The following TRAK1 variants were observed in gnomAD, a reference collection of about 807,000 sequenced individuals.
TRAK1 encodes trafficking kinesin-binding protein 1.
A neutral mutation model predicts 92.1 loss-of-function variants in TRAK1; 33 were observed. The ratio of observed to expected loss-of-function variants is 0.36; its 90% CI spans 0.27 to 0.48. The LOEUF (loss-of-function observed/expected upper bound fraction) is 0.48. Ranked by LOEUF, TRAK1 falls within the 20% of genes least tolerant of loss-of-function variation. The pLI, the probability that TRAK1 is intolerant of heterozygous loss-of-function variation, is 0.99. For missense variants in TRAK1, 1,123 were observed against 1,257.9 expected (o/e 0.89, Z 1.62); for synonymous variants, 521 against 517.3 (o/e 1.01, Z -0.10).
At chr3:42,039,828 A>G (rs777031072) in intron 1 of TRAK1, among the ~76,000 whole-genome samples, 1 of 152,162 alleles carries the variant, frequency 6.6e-6, no homozygotes, top group Non-Finnish European at 1.5e-5. Flanking sequence ...GCACCATTTT[A>G]CATTTCCACC....
At chr3:42,154,375 G>A (rs930476132) in intron 2 of TRAK1, among the ~76,000 whole-genome samples, 1 of 152,160 alleles carries the variant, frequency 6.6e-6, no homozygotes, top group South Asian at 2.1e-4. Flanking sequence ...GTTTCACCAT[G>A]TTGGCCAGGC....
At chr3:42,028,142 C>A (rs138216250) in intron 1 of TRAK1, among the ~76,000 whole-genome samples, 1 of 152,236 alleles carries the variant, frequency 6.6e-6, no homozygotes, top group African/African-American at 2.4e-5. Flanking sequence ...TGAGCCACCA[C>A]CCCCGGCCAC....
intron 2 of TRAK1, among the ~76,000 whole-genome samples, chr3:42,129,809 C>T (rs1696953973): frequency 6.6e-6 from 1 of 151,894 alleles, no homozygotes; most frequent in Non-Finnish European, 1.5e-5. Context: ...TGAGTCAGAC[C>T]TAGTTTGTCT....
intron 13 of TRAK1, among the ~76,000 whole-genome samples, chr3:42,206,181 T>C (rs1330613322): frequency 3.9e-5 from 6 of 152,218 alleles, no homozygotes; most frequent in African/African-American, 1.4e-4. Flanking sequence ...AGCCAGGGGA[T>C]TGGTAGAATT....
chr3:42,067,311 T>C (rs907641194), intron 1 of TRAK1, among the ~76,000 whole-genome samples: 2 of 152,228 alleles, frequency 1.3e-5, no homozygotes, highest in African/African-American at 4.8e-5. Flanking sequence ...AAGGACTTTG[T>C]CAATTATGGT....
At position 42,193,223 on chromosome 3, in the gene TRAK1, A is replaced by T. The variant is rs1706079487; in HGVS notation, c.900+18A>T. On this transcript the variant is annotated intron_variant, in intron 8 of 15. Transcript: ENST00000327628. ...CAAAAGCTGTAAGGCTTCTCTGTTT[A>T]TCTGGCTGATACAACAATGGCCATG... The T allele has an allele frequency of 6.2e-7, 1 of 1,613,422 alleles. No homozygotes were observed. Among genetic ancestry groups the T allele is most frequent in the Non-Finnish European group, 8.5e-7 (1 of 1,179,620 alleles).
chr3:42,132,646 A>G (rs930891575), intron 2 of TRAK1, among the ~76,000 whole-genome samples: 5 of 151,934 alleles, frequency 3.3e-5, no homozygotes, highest in Admixed American at 6.6e-5. Context: ...GCCTGACTAT[A>G]TATCCTCCCC....
chr3:42,114,236 G>A lies in TRAK1; in HGVS notation c.92-11184G>A, dbSNP rs144781548. Among the ~76,000 whole-genome samples the A allele has an allele frequency of 2.1e-4, 32 of 152,294 alleles. No individual in the cohort carries two copies. In the East Asian group the frequency reaches 4.0e-3, roughly 19 times the overall value. ...TTTATCCATTCATCTGCTGATGGGT[G>A]TTAGGATTGTTTTTATCTGTGCTAC... On this transcript the variant is annotated intron_variant, in intron 1 of 15. Transcript: ENST00000327628.
rs1473804404 is a variant in TRAK1, at chr3:42,225,444, C to T, written c.*1707C>T. On this transcript the variant is annotated 3_prime_UTR_variant, in exon 16 of 16. Coordinates refer to ENST00000327628, the MANE Select transcript of TRAK1 (RefSeq NM_001042646.3). ...GTATTGGTTAATTATGTTCTCAGCT[C>T]TCCCTGCTGTTGTATGTGTGCATTC... The T allele has an allele frequency of 6.6e-6, 1 of 152,214 alleles. No homozygotes were observed. Among genetic ancestry groups the T allele is most frequent in the African/African-American group, 2.4e-5 (1 of 41,444 alleles). The allele number at this position is 152,214 out of a possible 1,614,324, so 9.4% of individuals were successfully genotyped here.
Position 42,066,951 on chromosome 3 carries a change from T to C in TRAK1, c.-518-20153T>C, listed in dbSNP as rs577288208. Among the ~76,000 whole-genome samples, 13 of 152,342 alleles carry C rather than the reference T, an allele frequency of 8.5e-5. 1 individual carries two copies. The South Asian group carries it at 2.5e-3, about 29-fold the overall frequency. ...CTCACTGTTTCCTGGGGGATTCTTA[T>C]ACAGAGGCTCTTGGCTTCTTCTCTC... On this transcript the variant is annotated intron_variant, in intron 1 of 16. Transcript: ENST00000487159.
chr3:42,142,195 C>T (rs1297364657), intron 2 of TRAK1, among the ~76,000 whole-genome samples: 1 of 152,028 alleles, frequency 6.6e-6, no homozygotes, highest in Non-Finnish European at 1.5e-5. Context: ...TTTTTTCCAC[C>T]TTCACAGCTT....
At chr3:42,047,794 G>A (rs1010548556) in intron 1 of TRAK1, among the ~76,000 whole-genome samples, 3 of 152,090 alleles carry the variant, frequency 2.0e-5, no homozygotes, top group African/African-American at 7.2e-5. Context: ...TTGGTAGCAG[G>A]GAACATCTTG....
At chr3:42,217,926 A>G in intron 14 of TRAK1, 1 of 985,212 alleles carries the variant, frequency 1.0e-6, no homozygotes, top group Non-Finnish European at 1.2e-6. Context: ...TGATTGAGAA[A>G]GATTCATAAA....
intron 6 of TRAK1, 71 bp from the exon 7 acceptor site, chr3:42,191,487 T>A: frequency 1.4e-6 from 2 of 1,426,642 alleles, no homozygotes; most frequent in Non-Finnish European, 9.5e-7. Context: ...CTTTGCTTTA[T>A]GCCTCAGCCC....
intron 10 of TRAK1, among the ~76,000 whole-genome samples, chr3:42,197,457 C>A (rs759377902): frequency 2.6e-5 from 4 of 151,440 alleles, no homozygotes; most frequent in Non-Finnish European, 4.4e-5. Flanking sequence ...GTTTTTTTTC[C>A]CCCCAAATTT....
At chr3:42,036,517 T>C (rs561619186) in intron 1 of TRAK1, among the ~76,000 whole-genome samples, 10 of 151,948 alleles carry the variant, frequency 6.6e-5, no homozygotes, top group Middle Eastern at 3.4e-3. Flanking sequence ...GCAGGCTTTC[T>C]CTGCAGCCTC....
intron 2 of TRAK1, among the ~76,000 whole-genome samples, chr3:42,129,875 A>G (rs1045819318): frequency 2.0e-5 from 3 of 152,158 alleles, no homozygotes; most frequent in African/African-American, 7.2e-5. Context: ...GGGACAAGAA[A>G]ACTTCTTGTT....
At chr3:42,089,462 C>G (rs1472173577), upstream of TRAK1, among the ~76,000 whole-genome samples, 1 of 152,172 alleles carries the variant, frequency 6.6e-6, no homozygotes, top group Non-Finnish European at 1.5e-5. Flanking sequence ...CTATAGAGAC[C>G]TGTAAGGAAG....
At chr3:42,092,706 GTGTTGTGTTATGTTA>G (rs1705245640) in intron 1 of TRAK1, among the ~76,000 whole-genome samples, 2 of 94,432 alleles carry the variant, frequency 2.1e-5, no homozygotes, top group African/African-American at 4.5e-5. Flanking sequence ...GTGTTGTGTT[GTGTTGTGTTATGTTA>G]TGTTATGTTA....
Sources: allele counts gnomAD v4.1 joint callset (sites outside exome capture counted in the v4.1 genomes callset), GRCh38; gene constraint gnomAD v4.1.1; transcripts MANE v1.5; gene names NCBI Gene and HGNC (gene_info 2026-07-23, HGNC 2026-07-21).